UBXN7: variants seen among roughly 807,000 people sequenced by gnomAD.
The protein encoded by UBXN7 is UBX domain protein 7, also known as UBX domain-containing protein 7.
In UBXN7, 9 loss-of-function variants were observed where a neutral mutation model predicts 58.0. The observed-to-expected ratio is 0.16, with a 90% CI of 0.09 to 0.27. The LOEUF is 0.27. Ranked by LOEUF, UBXN7 falls within the 10% of genes least tolerant of loss-of-function variation. The probability of loss-of-function intolerance (pLI) is 1.00; values close to 1 mark genes in which losing one functional copy is unlikely to be tolerated. For synonymous variants in UBXN7, 208 were observed against 205.0 expected (o/e 1.01, Z -0.12); for missense variants, 328 against 599.6 (o/e 0.55, Z 4.73).
intron 5 of UBXN7, among the ~76,000 whole-genome samples, chr3:196,387,927 G>A (rs1343958916): frequency 6.6e-6 from 1 of 152,040 alleles, no homozygotes; most frequent in African/African-American, 2.4e-5. Context: ...ATTTGACCCA[G>A]CAATCCTATT....
intron 1 of UBXN7, among the ~76,000 whole-genome samples, chr3:196,419,537 T>C (rs1352768917): frequency 6.6e-6 from 1 of 152,204 alleles, no homozygotes; most frequent in African/African-American, 2.4e-5. Flanking sequence ...AGCCATCTGT[T>C]CCCGTATCAT....
Position 196,356,832 on chromosome 3 carries a change from G to A in UBXN7, c.1323C>T (p.His441=), listed in dbSNP as rs774652061. The A allele has an allele frequency of 6.2e-6, 10 of 1,608,420 alleles. No individual in the cohort carries two copies. Among genetic ancestry groups the A allele is most frequent in the South Asian group, 2.2e-5 (2 of 89,502 alleles). Residue 441 remains histidine, a synonymous_variant, in exon 11 of 11, where the codon CAC becomes CAT. Coordinates refer to ENST00000296328, the MANE Select transcript of UBXN7 (RefSeq NM_015562.2). ...CATTTGGGTATCCTTTAGACTGCACGTGCTTCACCAAAGCCTATAAAAACA... is the reference window on the plus strand; with the variant it reads ...CATTTGGGTATCCTTTAGACTGCACATGCTTCACCAAAGCCTATAAAAACA... ...EQAKLLALVK[H]VQSKGYPNER... is the part of the protein sequence containing the mutation.
intron 1 of UBXN7, among the ~76,000 whole-genome samples, chr3:196,430,391 G>C (rs1730990606): frequency 6.6e-6 from 1 of 151,586 alleles, no homozygotes; most frequent in Non-Finnish European, 1.5e-5. Flanking sequence ...ATAATAAGTG[G>C]CTTTTTTTTT....
chr3:196,412,592 G>T (rs1046257855), intron 1 of UBXN7, among the ~76,000 whole-genome samples: 2 of 152,064 alleles, frequency 1.3e-5, no homozygotes, highest in African/African-American at 4.8e-5. Context: ...CCAGAGAACT[G>T]AAAGCAGGGT....
chr3:196,362,766 T>C (rs1728539452), intron 8 of UBXN7, 79 bp from the exon 9 acceptor site: 1 of 1,484,344 alleles, frequency 6.7e-7, no homozygotes, highest in African/African-American at 1.4e-5. Context: ...AGAAATATAA[T>C]AGCTTGCCAT....
intron 4 of UBXN7, among the ~76,000 whole-genome samples, chr3:196,393,016 A>G (rs538700615): frequency 7.4e-5 from 11 of 148,732 alleles, no homozygotes; most frequent in Non-Finnish European, 1.5e-4. Context: ...GGTTTCTCAT[A>G]TATCCTAACC....
intron 1 of UBXN7, among the ~76,000 whole-genome samples, chr3:196,421,236 T>C (rs1180897361): frequency 6.6e-6 from 1 of 152,110 alleles, no homozygotes; most frequent in East Asian, 1.9e-4. Context: ...GTGCAGGAAG[T>C]AGTGCTAATG....
Position 196,391,201 on chromosome 3 carries a change from T to C in UBXN7, c.468+612A>G, listed in dbSNP as rs146105953. 8.6e-3 allele frequency among the ~76,000 whole-genome samples: 1,305 copies of C among 152,208 alleles called. 7 individuals are homozygous for C. Among genetic ancestry groups the C allele is most frequent in the Non-Finnish European group, 0.012 (805 of 68,024 alleles). ...ATTCTCAGTAGTAGTCAAAGATATA[T>C]GAACAAGTGAGATATTTTAAAAAGC... On this transcript the variant is annotated intron_variant, in intron 5 of 10. Coordinates refer to ENST00000296328, the MANE Select transcript of UBXN7 (RefSeq NM_015562.2).
rs776815869 is a variant in UBXN7, at chr3:196,368,124, A to G, written c.738T>C (p.Asp246=). 1.9e-6 allele frequency: 3 copies of G among 1,614,102 alleles called. No individual in the cohort carries two copies. Among genetic ancestry groups the G allele is most frequent in the Admixed American group, 1.7e-5 (1 of 60,026 alleles). Residue 246 remains aspartate (D), a synonymous_variant, in exon 8 of 11, where the codon GAT becomes GAC. Transcript: ENST00000296328. ...GQKLVEWHQL[D]VSSFLDQVTG... Reference sequence around the variant, plus strand: ...TCACTTGGTCCAAGAAAGAAGATACATCTAACTGGTGCCATTCTACTAGCT... The same window carrying G: ...TCACTTGGTCCAAGAAAGAAGATACGTCTAACTGGTGCCATTCTACTAGCT...
chr3:196,391,401 C>A (rs1256761671), intron 5 of UBXN7, among the ~76,000 whole-genome samples: 2 of 152,072 alleles, frequency 1.3e-5, no homozygotes, highest in African/African-American at 4.8e-5. Context: ...ATTCCCTATA[C>A]ACTGACAATG....
At position 196,391,891 on chromosome 3, in the gene UBXN7, A is replaced by G; in HGVS notation, c.390T>C (p.Ala130=). ...RQEQELRNGG[A]IDKKLTTLAD... is the part of the protein sequence containing the mutation. ...CAAGGGTAGTTAATTTCTTATCGAT[A>G]GCTCCTCCATTTCTTAATTCTTGTT... Residue 130 remains alanine, a synonymous_variant, in exon 5 of 11, where the codon GCT becomes GCC. Coordinates refer to ENST00000296328, the MANE Select transcript of UBXN7 (RefSeq NM_015562.2). The G allele has an allele frequency of 6.2e-7, 1 of 1,608,426 alleles. No individual in the cohort carries two copies. The highest frequency in any genetic ancestry group is 8.5e-7 in the Non-Finnish European group (1 of 1,177,148).
rs781576265 is a variant in UBXN7, at chr3:196,356,790, G to A, written c.1365C>T (p.Leu455=). ...KGYPNERFEL[L]TNFPRRKLSH... is the part of the protein sequence containing the mutation. Reference sequence around the variant, plus strand: ...ATAATTTCCTTCGAGGAAAGTTGGTGAGAAGTTCAAAACGTTCATTTGGGT... The same window carrying A: ...ATAATTTCCTTCGAGGAAAGTTGGTAAGAAGTTCAAAACGTTCATTTGGGT... The change falls in exon 11 of 11, where the codon CTC becomes CTT. Residue 455 remains leucine (L), a synonymous_variant. Coordinates refer to ENST00000296328, the MANE Select transcript of UBXN7 (RefSeq NM_015562.2). 9 of 1,613,764 alleles carry A rather than the reference G, an allele frequency of 5.6e-6. No homozygotes were observed. The highest frequency in any genetic ancestry group is 6.8e-6 in the Non-Finnish European group (8 of 1,179,978).
chr3:196,417,256 G>A (rs578181787), intron 1 of UBXN7, among the ~76,000 whole-genome samples: 141 of 152,268 alleles, frequency 9.3e-4, no homozygotes, highest in Non-Finnish European at 1.7e-3. Flanking sequence ...AGCTTGCAGT[G>A]AGCCGAGATC....
intron 3 of UBXN7, among the ~76,000 whole-genome samples, chr3:196,401,298 T>TATATATATATATATATATATATAC (rs1269101481): frequency 4.9e-5 from 3 of 61,688 alleles, no homozygotes; most frequent in Non-Finnish European, 8.2e-5. Flanking sequence ...TATATATATA[T>TATATATATATATATATATATATAC]ACACACACAC....
intron 3 of UBXN7, among the ~76,000 whole-genome samples, chr3:196,398,567 A>G (rs1729850506): frequency 6.6e-6 from 1 of 152,212 alleles, no homozygotes; most frequent in African/African-American, 2.4e-5. Context: ...AGTACTGGGA[A>G]AGTATCAAGC....
intron 5 of UBXN7, among the ~76,000 whole-genome samples, chr3:196,385,892 T>C (rs987271304): frequency 2.8e-4 from 43 of 152,150 alleles, no homozygotes; most frequent in Non-Finnish European, 7.4e-5. Context: ...CAATAGCTCA[T>C]TGAGAACGGG....
At chr3:196,415,550 G>T (rs1472103016) in intron 1 of UBXN7, among the ~76,000 whole-genome samples, 2 of 149,656 alleles carry the variant, frequency 1.3e-5, no homozygotes, top group Non-Finnish European at 3.0e-5. Context: ...GCCGAGACAG[G>T]TGGTCACGAG....
At chr3:196,384,131 C>A (rs1729300137) in intron 5 of UBXN7, among the ~76,000 whole-genome samples, 1 of 151,938 alleles carries the variant, frequency 6.6e-6, no homozygotes, top group Non-Finnish European at 1.5e-5. Flanking sequence ...ACCACTGATC[C>A]CACAGAAATA....
chr3:196,390,084 T>G (rs567341859), intron 5 of UBXN7, among the ~76,000 whole-genome samples: 6 of 151,890 alleles, frequency 4.0e-5, no homozygotes, highest in Non-Finnish European at 8.8e-5. Context: ...CCAGGTGTGG[T>G]AGTGGGTGTC....
Sources: allele counts gnomAD v4.1 joint callset (sites outside exome capture counted in the v4.1 genomes callset), GRCh38; gene constraint gnomAD v4.1.1; transcripts MANE v1.5; gene names NCBI Gene and HGNC (gene_info 2026-07-23, HGNC 2026-07-21).